Variants in MECOM observed in about 807,000 individuals in gnomAD.
MECOM encodes MDS1 and EVI1 complex locus, also known as histone-lysine N-methyltransferase MECOM.
A neutral mutation model predicts 116.3 loss-of-function variants in MECOM; 13 were observed. The observed-to-expected ratio is 0.11, with a 90% CI of 0.07 to 0.18. The LOEUF is 0.18. MECOM is among the 10% of genes least tolerant of loss of function. The probability of loss-of-function intolerance (pLI) is 1.00; values close to 1 mark genes in which losing one functional copy is unlikely to be tolerated. For missense variants in MECOM, 1,299 were observed against 1,509.0 expected, an observed-to-expected ratio of 0.86 and a Z score of 2.31; for synonymous variants, 528 against 535.2, an observed-to-expected ratio of 0.99 and a Z score of 0.19.
chr3:169,106,699 C>T (rs1725564349), intron 10 of MECOM, among the ~76,000 whole-genome samples: 1 of 152,048 alleles, frequency 6.6e-6, no homozygotes, highest in Admixed American at 6.6e-5. Flanking sequence ...GGGGTCAACA[C>T]CTTAAGCTTC....
intron 1 of MECOM, among the ~76,000 whole-genome samples, chr3:169,391,411 AC>A (rs1378813104): frequency 3.3e-5 from 5 of 152,226 alleles, no homozygotes; most frequent in African/African-American, 1.2e-4. Context: ...TCAGTGTTAA[AC>A]AAGTTTAGAT....
chr3:169,186,348 GGAA>G, intron 2 of MECOM, among the ~76,000 whole-genome samples: 3 of 37,962 alleles, frequency 7.9e-5, no homozygotes, highest in Admixed American at 4.9e-4. Context: ...AGGGAGGGAA[GGAA>G]GGAAGGAAGG....
rs1727509618 is a variant in MECOM, at chr3:169,111,840, T to C, written c.2577+947A>G. Among the ~76,000 whole-genome samples, 3 of 152,180 alleles carry C rather than the reference T, an allele frequency of 2.0e-5. No individual in the cohort carries two copies. In the South Asian group the frequency reaches 6.2e-4, roughly 32 times the overall value. ...AGGAAAAAAGAACCATATCCCATGA[T>C]CTTTATTTAATTAATTTAATTACCT... On this transcript the variant is annotated intron_variant, in intron 9 of 16. Coordinates refer to ENST00000651503, the MANE Select transcript of MECOM (RefSeq NM_004991.4).
intron 1 of MECOM, among the ~76,000 whole-genome samples, chr3:169,551,731 T>C (rs1444533520): frequency 6.6e-6 from 1 of 152,218 alleles, no homozygotes; most frequent in Non-Finnish European, 1.5e-5. Flanking sequence ...ACTGAAAACA[T>C]ATGCCCACAT....
intron 2 of MECOM, among the ~76,000 whole-genome samples, chr3:169,237,875 C>G (rs933804417): frequency 6.6e-6 from 1 of 152,038 alleles, no homozygotes; most frequent in African/African-American, 2.4e-5. Context: ...TTACTCTTTA[C>G]TATTAAGAAA....
chr3:169,149,933 CTCTGTGTGTG>C (rs1446514844), intron 2 of MECOM, among the ~76,000 whole-genome samples: 21 of 116,092 alleles, frequency 1.8e-4, no homozygotes, highest in Non-Finnish European at 2.4e-4. Context: ...CTTTCTCTCT[CTCTGTGTGTG>C]TGTGTGTGTG....
At chr3:169,318,773 T>C (rs1320700362) in intron 2 of MECOM, among the ~76,000 whole-genome samples, 1 of 152,178 alleles carries the variant, frequency 6.6e-6, no homozygotes, top group Non-Finnish European at 1.5e-5. Context: ...ACTGGGTATA[T>C]ACCCAAAGGA....
intron 2 of MECOM, among the ~76,000 whole-genome samples, chr3:169,379,365 G>A (rs1036641989): frequency 6.6e-6 from 1 of 151,990 alleles, no homozygotes; most frequent in Non-Finnish European, 1.5e-5. Flanking sequence ...GAAGGAGAAA[G>A]AGGAGAAAGG....
chr3:169,287,907 A>G (rs74945656), intron 2 of MECOM, among the ~76,000 whole-genome samples: 5,359 of 152,272 alleles, frequency 0.035, 271 homozygotes, highest in African/African-American at 0.12. Context: ...CCAGGGCATG[A>G]TTCTGACTAA....
In MECOM at chr3:169,127,831, T is replaced by G. The variant is rs1368364217; in HGVS notation, c.830+13A>C. 6.2e-7 allele frequency: 1 copy of G among 1,606,414 alleles called. No individual in the cohort carries two copies. The highest frequency in any genetic ancestry group is 2.2e-5 in the East Asian group (1 of 44,830). On this transcript the variant is annotated intron_variant, in intron 5 of 16. Transcript: ENST00000651503. Reference sequence around the variant, plus strand: ...AATACACAAGTTGTATGGTACAACATGCCATTTCTAACCTTTGCAAATCAG... The same window carrying G: ...AATACACAAGTTGTATGGTACAACAGGCCATTTCTAACCTTTGCAAATCAG...
chr3:169,520,420 G>A (rs1435382709), intron 1 of MECOM, among the ~76,000 whole-genome samples: 1 of 152,124 alleles, frequency 6.6e-6, no homozygotes, highest in East Asian at 1.9e-4. Context: ...CTGAACTCTA[G>A]CTCTTGTTCC....
chr3:169,397,016 G>C (rs1735126537), intron 1 of MECOM, among the ~76,000 whole-genome samples: 1 of 152,104 alleles, frequency 6.6e-6, no homozygotes, highest in Non-Finnish European at 1.5e-5. Flanking sequence ...TGATGCTCTT[G>C]AGCATCTTTT....
chr3:169,451,189 A>G (rs1327222362), intron 1 of MECOM, among the ~76,000 whole-genome samples: 2 of 151,756 alleles, frequency 1.3e-5, no homozygotes, highest in Non-Finnish European at 2.9e-5. Context: ...TTCATGCCCT[A>G]TGTATTTGGA....
At chr3:169,208,205 A>ATGTG (rs1167696393) in intron 2 of MECOM, among the ~76,000 whole-genome samples, 5 of 138,766 alleles carry the variant, frequency 3.6e-5, no homozygotes, top group Admixed American at 2.2e-4. Flanking sequence ...CAATATATAT[A>ATGTG]TATGTGTGTG....
chr3:169,250,566 T>G (rs938018349), intron 2 of MECOM, among the ~76,000 whole-genome samples: 1 of 152,246 alleles, frequency 6.6e-6, no homozygotes, highest in Non-Finnish European at 1.5e-5. Flanking sequence ...ATGTAAAATA[T>G]ATTTAAACCT....
intron 2 of MECOM, among the ~76,000 whole-genome samples, chr3:169,315,297 G>A (rs1417333013): frequency 6.6e-6 from 1 of 152,192 alleles, no homozygotes; most frequent in Non-Finnish European, 1.5e-5. Flanking sequence ...ATGTGAAACA[G>A]ATGGGACCCA....
At chr3:169,606,731 T>G (rs1472201259) in intron 1 of MECOM, among the ~76,000 whole-genome samples, 1 of 152,184 alleles carries the variant, frequency 6.6e-6, no homozygotes, top group Non-Finnish European at 1.5e-5. Flanking sequence ...TCTCCTAGGG[T>G]ATTGTTCTCC....
intron 1 of MECOM, among the ~76,000 whole-genome samples, chr3:169,661,352 A>G (rs1776263868): frequency 6.7e-6 from 1 of 150,176 alleles, no homozygotes; most frequent in Admixed American, 6.7e-5. Flanking sequence ...CTTTAGTCCA[A>G]ATCGAAGCCC....
chr3:169,214,398 A>C lies in MECOM; in HGVS notation c.376-70566T>G, dbSNP rs139287471. On this transcript the variant is annotated intron_variant, in intron 2 of 16. Transcript: ENST00000651503. The stretch of plus-strand genomic sequence containing the variant: ...TTTGAAGGGACACACTGATGTTTAC[A>C]AACAGGAATAATGGAGCCCAGGAGT... 2.0e-5 allele frequency among the ~76,000 whole-genome samples: 3 copies of C among 151,998 alleles called. No individual in the cohort carries two copies. The East Asian group carries it at 5.8e-4, about 29-fold the overall frequency.
Sources: allele counts gnomAD v4.1 joint callset (sites outside exome capture counted in the v4.1 genomes callset), GRCh38; gene constraint gnomAD v4.1.1; transcripts MANE v1.5; gene names NCBI Gene and HGNC (gene_info 2026-07-23, HGNC 2026-07-21).